The following STAU2 variants were observed in gnomAD, a reference collection of about 807,000 sequenced individuals.
STAU2 encodes the protein staufen double-stranded RNA binding protein 2.
Under a neutral mutation model 65.9 loss-of-function variants are expected in STAU2, and 20 were observed. The observed-to-expected ratio is 0.30, with a 90% CI of 0.21 to 0.44. The LOEUF is 0.44. Among genes scored for constraint, STAU2 ranks in the 20% least tolerant of loss-of-function variants. STAU2 has a pLI of 1.00. For missense variants in STAU2, 558 were observed against 683.9 expected, an observed-to-expected ratio of 0.82 and a Z score of 2.05; for synonymous variants, 232 against 233.9, an observed-to-expected ratio of 0.99 and a Z score of 0.07.
chr8:73,567,607 G>A (rs1000140793), intron 12 of STAU2, among the ~76,000 whole-genome samples: 3 of 151,156 alleles, frequency 2.0e-5, no homozygotes, highest in Non-Finnish European at 4.4e-5. Context: ...GGCTGCAGTG[G>A]CACAATCTGT....
intron 4 of STAU2, among the ~76,000 whole-genome samples, chr8:73,701,507 A>G (rs529338304): frequency 1.5e-3 from 232 of 152,320 alleles, no homozygotes; most frequent in Non-Finnish European, 2.3e-3. Flanking sequence ...CATCAGAGAA[A>G]TGCAAATCAA....
intron 13 of STAU2, among the ~76,000 whole-genome samples, chr8:73,479,151 G>A (rs1458414441): frequency 6.6e-6 from 1 of 151,930 alleles, no homozygotes; most frequent in African/African-American, 2.4e-5. Flanking sequence ...CATTTCATTG[G>A]CAAAATGTGT....
chr8:73,684,291 C>T (rs1026257835), intron 5 of STAU2, among the ~76,000 whole-genome samples: 2 of 152,078 alleles, frequency 1.3e-5, no homozygotes, highest in East Asian at 3.8e-4. Flanking sequence ...ATAGAGAACC[C>T]AGAAATAAAG....
chr8:73,744,434 A>T (rs1807131521), intron 1 of STAU2, among the ~76,000 whole-genome samples: 1 of 151,786 alleles, frequency 6.6e-6, no homozygotes, highest in Admixed American at 6.6e-5. Context: ...CCCAGCACTG[A>T]ACGTGCACAA....
upstream of STAU2, among the ~76,000 whole-genome samples, chr8:73,747,124 C>CT (rs1431053378): frequency 6.6e-6 from 1 of 151,890 alleles, no homozygotes; most frequent in Non-Finnish European, 1.5e-5. Context: ...CAGCTGCAGG[C>CT]TCTGCGGGGC....
intron 3 of STAU2, among the ~76,000 whole-genome samples, chr8:73,717,256 G>T (rs1042370587): frequency 1.7e-4 from 26 of 151,982 alleles, no homozygotes; most frequent in South Asian, 6.2e-4. Flanking sequence ...TCTCTTACCA[G>T]TGTCTTTTAA....
intron 6 of STAU2, among the ~76,000 whole-genome samples, chr8:73,668,781 C>T (rs1817431352): frequency 6.6e-6 from 1 of 152,042 alleles, no homozygotes; most frequent in East Asian, 1.9e-4. Context: ...ACAGAGTTTG[C>T]TCATGGATAA....
chr8:73,658,188 AC>A lies in STAU2; in HGVS notation c.410+14918del, dbSNP rs1386504485. On this transcript the variant is annotated intron_variant, in intron 6 of 14. Transcript: ENST00000524300. ...AGACCAGCCTGACCAACATGGTGAA[AC>A]CCCATCTCTACTAAAAAAAAATTAA... Among the ~76,000 whole-genome samples the A allele has an allele frequency of 3.3e-5, 5 of 151,638 alleles. No individual in the cohort carries two copies. In the East Asian group the frequency reaches 5.8e-4, roughly 18 times the overall value.
intron 4 of STAU2, among the ~76,000 whole-genome samples, chr8:73,694,236 A>G (rs1819549015): frequency 6.6e-6 from 1 of 152,250 alleles, no homozygotes; most frequent in Admixed American, 6.5e-5. Flanking sequence ...ATTGACAATT[A>G]AAGTCAGATT....
intron 4 of STAU2, among the ~76,000 whole-genome samples, chr8:73,694,105 G>C (rs958581354): frequency 6.6e-6 from 1 of 152,286 alleles, no homozygotes; most frequent in Non-Finnish European, 1.5e-5. Context: ...CAGTGGTAAC[G>C]AAGGTCATTT....
chr8:73,534,817 GT>G (rs748961209), intron 13 of STAU2, among the ~76,000 whole-genome samples: 1 of 152,114 alleles, frequency 6.6e-6, no homozygotes, highest in Non-Finnish European at 1.5e-5. Flanking sequence ...ATGTACCAGT[GT>G]TTTAGTTGAT....
At chr8:73,477,066 A>G (rs1820359666) in intron 13 of STAU2, among the ~76,000 whole-genome samples, 1 of 152,204 alleles carries the variant, frequency 6.6e-6, no homozygotes, top group Admixed American at 6.6e-5. Context: ...TTCCTGTGAC[A>G]CTGAAGAACT....
intron 6 of STAU2, among the ~76,000 whole-genome samples, chr8:73,666,438 T>C (rs1360203738): frequency 6.6e-6 from 1 of 152,238 alleles, no homozygotes; most frequent in Non-Finnish European, 1.5e-5. Context: ...TAAAATGATT[T>C]CCGTGTCTCA....
intron 6 of STAU2, among the ~76,000 whole-genome samples, chr8:73,617,752 GAAGT>G (rs1456441007): frequency 6.6e-6 from 1 of 152,222 alleles, no homozygotes; most frequent in East Asian, 1.9e-4. Flanking sequence ...GATTTTGACA[GAAGT>G]AAGAGAACAG....
chr8:73,554,537 G>A (rs1258018426), intron 12 of STAU2, among the ~76,000 whole-genome samples: 1 of 152,204 alleles, frequency 6.6e-6, no homozygotes, highest in Non-Finnish European at 1.5e-5. Flanking sequence ...TGATTGTATG[G>A]CCCTGCACTG....
At chr8:73,692,898 G>A (rs891137110) in intron 4 of STAU2, among the ~76,000 whole-genome samples, 1 of 152,188 alleles carries the variant, frequency 6.6e-6, no homozygotes, top group African/African-American at 2.4e-5. Flanking sequence ...GGTGGCTTAT[G>A]CCTGGAATCC....
Position 73,535,469 on chromosome 8 carries a change from G to A in STAU2, c.1530+16543C>T, listed in dbSNP as rs541932024. 1.1e-3 allele frequency among the ~76,000 whole-genome samples: 172 copies of A among 152,174 alleles called. 1 individual carries two copies. Among genetic ancestry groups the A allele is most frequent in the African/African-American group, 3.9e-3 (162 of 41,528 alleles). On this transcript the variant is annotated intron_variant, in intron 13 of 14. Transcript: ENST00000524300. The stretch of plus-strand genomic sequence containing the variant: ...CAGGCATGAGCCACCGCCCCTGGCC[G>A]TTCTTTGCTTTTTAGTTTCCATTAA...
At chr8:73,558,813 GA>G (rs35776038) in intron 12 of STAU2, among the ~76,000 whole-genome samples, 3 of 150,358 alleles carry the variant, frequency 2.0e-5, no homozygotes, top group East Asian at 1.9e-4. Flanking sequence ...GAAAAGCTTT[GA>G]AAAAAAAAAC....
intron 12 of STAU2, among the ~76,000 whole-genome samples, chr8:73,576,682 T>C (rs991559701): frequency 1.3e-5 from 2 of 152,240 alleles, no homozygotes; most frequent in African/African-American, 4.8e-5. Context: ...ATGCATCAAA[T>C]ATTGCCTATT....
Sources: allele counts gnomAD v4.1 joint callset (sites outside exome capture counted in the v4.1 genomes callset), GRCh38; gene constraint gnomAD v4.1.1; transcripts MANE v1.5; gene names NCBI Gene and HGNC (gene_info 2026-07-23, HGNC 2026-07-21).